COG5: variants seen among roughly 807,000 people sequenced by gnomAD.
COG5 encodes the protein component of oligomeric golgi complex 5, also known as conserved oligomeric Golgi complex subunit 5.
Under a neutral mutation model 110.4 loss-of-function variants are expected in COG5, and 86 were observed. The ratio of observed to expected loss-of-function variants is 0.78; its 90% CI spans 0.65 to 0.93. The LOEUF is 0.93. Ranked by LOEUF, COG5 falls within the 40% of genes least tolerant of loss-of-function variation. The probability of loss-of-function intolerance (pLI) is 0.00; values close to 1 mark genes in which losing one functional copy is unlikely to be tolerated. For missense variants in COG5, 1,077 were observed against 987.0 expected, an observed-to-expected ratio of 1.09 and a Z score of -1.22; for synonymous variants, 360 against 334.6, an observed-to-expected ratio of 1.08 and a Z score of -0.83.
At chr7:107,475,917 T>C (rs530746647) in intron 6 of COG5, among the ~76,000 whole-genome samples, 23 of 151,196 alleles carry the variant, frequency 1.5e-4, no homozygotes, top group Non-Finnish European at 2.8e-4. Context: ...TTCTTTTAAA[T>C]GTAAAAAATC....
intron 10 of COG5, among the ~76,000 whole-genome samples, chr7:107,358,493 T>C (rs1304851116): frequency 2.0e-5 from 3 of 152,184 alleles, no homozygotes; most frequent in Non-Finnish European, 4.4e-5. Flanking sequence ...GTTACTGATA[T>C]AAATATACGT....
chr7:107,399,254 C>T (rs578238389), intron 7 of COG5, among the ~76,000 whole-genome samples: 4 of 152,014 alleles, frequency 2.6e-5, no homozygotes, highest in African/African-American at 4.8e-5. Context: ...TCAAACTATA[C>T]ATTAAAAGTG....
At chr7:107,432,627 TC>T (rs1794101046) in intron 6 of COG5, among the ~76,000 whole-genome samples, 1 of 152,146 alleles carries the variant, frequency 6.6e-6, no homozygotes, top group African/African-American at 2.4e-5. Flanking sequence ...AAAAGCTGCC[TC>T]TACATGAAAA....
At chr7:107,468,463 T>C (rs1388966172) in intron 6 of COG5, among the ~76,000 whole-genome samples, 1 of 152,008 alleles carries the variant, frequency 6.6e-6, no homozygotes, top group Non-Finnish European at 1.5e-5. Context: ...GTAAGTTTTC[T>C]TTATAAATGG....
intron 7 of COG5, among the ~76,000 whole-genome samples, chr7:107,385,045 G>T (rs1790085899): frequency 6.6e-6 from 1 of 152,214 alleles, no homozygotes; most frequent in Admixed American, 6.5e-5. Flanking sequence ...CATGTAATTA[G>T]TTGAGATAAA....
chr7:107,207,839 A>C, intron 21 of COG5: 3 of 985,446 alleles, frequency 3.0e-6, no homozygotes, highest in Non-Finnish European at 2.4e-6. Flanking sequence ...AGAAAACAGG[A>C]AGGCAGGATG....
intron 16 of COG5, among the ~76,000 whole-genome samples, chr7:107,251,712 T>C (rs1340806563): frequency 1.3e-5 from 2 of 152,148 alleles, no homozygotes; most frequent in Non-Finnish European, 2.9e-5. Context: ...CAGTGCTTAG[T>C]GGAAAATTTA....
intron 6 of COG5, among the ~76,000 whole-genome samples, chr7:107,436,685 A>G (rs1794390451): frequency 6.6e-6 from 1 of 152,218 alleles, no homozygotes; most frequent in Admixed American, 6.5e-5. Flanking sequence ...ATAAAAATTC[A>G]TGAAATGTTA....
intron 6 of COG5, among the ~76,000 whole-genome samples, chr7:107,434,986 A>G (rs1456537296): frequency 6.6e-6 from 1 of 151,854 alleles, no homozygotes; most frequent in African/African-American, 2.4e-5. Flanking sequence ...AAAAAAAAAG[A>G]ACAAAATCCT....
At chr7:107,544,767 C>T (rs1037244561) in intron 5 of COG5, among the ~76,000 whole-genome samples, 8 of 152,168 alleles carry the variant, frequency 5.3e-5, no homozygotes, top group African/African-American at 1.9e-4. Flanking sequence ...AAACATAACA[C>T]CACCAAAGGA....
chr7:107,531,877 T>C (rs1388739008), intron 5 of COG5, among the ~76,000 whole-genome samples: 1 of 152,060 alleles, frequency 6.6e-6, no homozygotes, highest in Non-Finnish European at 1.5e-5. Context: ...AAATAGCTGG[T>C]CACCCAAAGC....
At chr7:107,376,410 G>A (rs894234118) in intron 7 of COG5, among the ~76,000 whole-genome samples, 4 of 151,868 alleles carry the variant, frequency 2.6e-5, no homozygotes, top group African/African-American at 7.2e-5. Context: ...TCAAATCCAT[G>A]AATATGGTAT....
At chr7:107,529,998 C>T (rs77855838) in intron 5 of COG5, among the ~76,000 whole-genome samples, 2,213 of 152,210 alleles carry the variant, frequency 0.015, 58 homozygotes, top group African/African-American at 0.049. Context: ...TTAAATACAT[C>T]GTAAGAAGAA....
chr7:107,286,060 G>A (rs534417923), intron 12 of COG5, among the ~76,000 whole-genome samples: 2 of 152,046 alleles, frequency 1.3e-5, no homozygotes, highest in East Asian at 1.9e-4. Context: ...ATAGGATGAG[G>A]CAAAGGAAGG....
chr7:107,442,642 C>A (rs1584828839), intron 6 of COG5, among the ~76,000 whole-genome samples: 1 of 113,208 alleles, frequency 8.8e-6, no homozygotes, highest in East Asian at 2.6e-4. Context: ...TCAATTTCAC[C>A]TAAAAAAAAA....
intron 6 of COG5, chr7:107,473,080 G>A (rs753703390): frequency 1.3e-5 from 2 of 151,504 alleles, no homozygotes; most frequent in Non-Finnish European, 3.0e-5. Context: ...AGGCTTCACA[G>A]GTAATGTGTA....
intron 6 of COG5, among the ~76,000 whole-genome samples, chr7:107,424,609 T>C (rs1311038391): frequency 6.6e-6 from 1 of 151,990 alleles, no homozygotes; most frequent in Non-Finnish European, 1.5e-5. Flanking sequence ...CTCTTCACTA[T>C]GCTTACAAAA....
At chr7:107,436,040 A>C (rs999681026) in intron 6 of COG5, among the ~76,000 whole-genome samples, 12 of 152,248 alleles carry the variant, frequency 7.9e-5, no homozygotes, top group Non-Finnish European at 2.9e-5. Context: ...ATATGCACAG[A>C]AAGAGAAATA....
At chr7:107,210,669 C>T in intron 20 of COG5, 64 bp from the exon 21 acceptor site, 1 of 1,520,672 alleles carries the variant, frequency 6.6e-7, no homozygotes, top group Non-Finnish European at 8.9e-7. Context: ...GCAGCAAGTG[C>T]TGGTTCGAAA....
Sources: allele counts gnomAD v4.1 joint callset (sites outside exome capture counted in the v4.1 genomes callset), GRCh38; gene constraint gnomAD v4.1.1; transcripts MANE v1.5; gene names NCBI Gene and HGNC (gene_info 2026-07-23, HGNC 2026-07-21).